FTO: variants seen among roughly 807,000 people sequenced by gnomAD.
FTO encodes FTO alpha-ketoglutarate dependent dioxygenase.
FTO carries 47 observed loss-of-function variants against 63.9 expected under a neutral mutation model. That is an observed-to-expected ratio of 0.74 (90% CI 0.58 to 0.94). The LOEUF is 0.94. Among genes scored for constraint, FTO ranks in the 40% least tolerant of loss-of-function variants. The pLI is 0.00. For synonymous variants in FTO, 207 were observed against 224.4 expected (o/e 0.92, Z 0.69); for missense variants, 562 against 618.1 (o/e 0.91, Z 0.96).
At chr16:53,819,195 TTATC>T (rs112144660) in intron 2 of FTO, among the ~76,000 whole-genome samples, 10,313 of 152,218 alleles carry the variant, frequency 0.068, 537 homozygotes, top group African/African-American at 0.13. Context: ...ATTTATTTAT[TTATC>T]TATCTTTGAA....
intron 8 of FTO, among the ~76,000 whole-genome samples, chr16:54,076,450 A>G (rs1215551507): frequency 1.3e-5 from 2 of 152,214 alleles, no homozygotes; most frequent in Non-Finnish European, 2.9e-5. Flanking sequence ...GCAAGTATAC[A>G]GGGAAAAGAA....
chr16:53,886,780 G>A (rs1199418056), intron 6 of FTO: 1 of 152,272 alleles, frequency 6.6e-6, no homozygotes, highest in East Asian at 1.9e-4. Context: ...TTCACAAGTT[G>A]CTTTTGTTTG....
At chr16:53,805,443 GTTT>G (rs10552956) in intron 1 of FTO, among the ~76,000 whole-genome samples, 133 of 109,618 alleles carry the variant, frequency 1.2e-3, no homozygotes, top group Admixed American at 4.1e-3. Flanking sequence ...TTGAGTTGTG[GTTT>G]TTTTTTTTTT....
At chr16:53,723,924 C>T (rs141144743) in intron 1 of FTO, among the ~76,000 whole-genome samples, 1 of 152,280 alleles carries the variant, frequency 6.6e-6, no homozygotes, top group African/African-American at 2.4e-5. Context: ...CACTAATTTG[C>T]CTGCTTTTGG....
intron 8 of FTO, among the ~76,000 whole-genome samples, chr16:54,067,179 A>C (rs1289651862): frequency 6.6e-6 from 1 of 152,078 alleles, no homozygotes; most frequent in East Asian, 1.9e-4. Context: ...ACTTAAAAAA[A>C]AAAACTTTGC....
At chr16:53,827,898 A>G (rs2079051293) in intron 3 of FTO, among the ~76,000 whole-genome samples, 1 of 152,176 alleles carries the variant, frequency 6.6e-6, no homozygotes, top group Non-Finnish European at 1.5e-5. Context: ...TAAGGAGACA[A>G]CTCTCCAAAC....
intron 7 of FTO, among the ~76,000 whole-genome samples, chr16:53,928,228 A>G (rs2082195129): frequency 6.6e-6 from 1 of 152,146 alleles, no homozygotes; most frequent in Non-Finnish European, 1.5e-5. Context: ...ATAAAATGAA[A>G]TTTAGCCACC....
At chr16:54,031,424 A>C (rs939877593) in intron 8 of FTO, among the ~76,000 whole-genome samples, 2 of 152,258 alleles carry the variant, frequency 1.3e-5, no homozygotes, top group East Asian at 3.9e-4. Flanking sequence ...AGGGTTATTA[A>C]GGAAATTTGG....
rs199570595 is a variant in FTO at position 54,079,107 on chromosome 16, TACTG to T, written c.1365-32651_1365-32648del. 8.0e-3 allele frequency among the ~76,000 whole-genome samples: 1,213 copies of T among 152,332 alleles called. 24 individuals are homozygous for T. Among genetic ancestry groups the T allele is most frequent in the African/African-American group, 0.028 (1,155 of 41,580 alleles). ...AATAATAAATTTTAGAAAACATTATTACTGACTATTATGTGACAGTTATTGGGAA... is the reference window on the plus strand; with the variant it reads ...AATAATAAATTTTAGAAAACATTATTACTATTATGTGACAGTTATTGGGAA... On this transcript the variant is annotated intron_variant, in intron 8 of 8. Transcript: ENST00000471389.
chr16:53,880,015 G>A, intron 6 of FTO, 28 bp downstream of exon 6: 2 of 1,544,788 alleles, frequency 1.3e-6, no homozygotes, highest in Non-Finnish European at 1.8e-6. Flanking sequence ...TTTTTTTTGA[G>A]ATGGAGTCTC....
intron 8 of FTO, among the ~76,000 whole-genome samples, chr16:53,938,154 G>T (rs1365502955): frequency 6.6e-6 from 1 of 152,180 alleles, no homozygotes; most frequent in Admixed American, 6.5e-5. Flanking sequence ...ACTGATTATT[G>T]TGCACTCTTT....
intron 7 of FTO, among the ~76,000 whole-genome samples, chr16:53,898,190 G>C (rs1018104908): frequency 6.6e-6 from 1 of 151,976 alleles, no homozygotes; most frequent in Non-Finnish European, 1.5e-5. Flanking sequence ...TCCATTCCTC[G>C]ACCTCCATCA....
At chr16:53,902,960 CTT>C (rs1162638738) in intron 7 of FTO, among the ~76,000 whole-genome samples, 9 of 152,056 alleles carry the variant, frequency 5.9e-5, no homozygotes. Flanking sequence ...ATGCAAAAGA[CTT>C]AGCCAGGCGT....
Position 54,121,047 on chromosome 16 carries a change from T to G in FTO, c.*9132T>G, listed in dbSNP as rs1272506286. The stretch of plus-strand genomic sequence containing the variant: ...CCACAGCCAAATCTGGCCCATCCCC[T>G]GTTCTTATAAAGTTTTATTGGAACG... On this transcript the variant is annotated 3_prime_UTR_variant, in exon 9 of 9. Coordinates refer to ENST00000471389, the MANE Select transcript of FTO (RefSeq NM_001080432.3). The G allele has an allele frequency of 1.3e-5, 2 of 152,570 alleles. No individual in the cohort carries two copies. Among genetic ancestry groups the G allele is most frequent in the East Asian group, 1.9e-4 (1 of 5,192 alleles). The allele number at this position is 152,570 out of a possible 1,614,324, so 9.5% of individuals were successfully genotyped here.
chr16:53,747,576 A>C (rs2076678210), intron 1 of FTO, among the ~76,000 whole-genome samples: 2 of 152,152 alleles, frequency 1.3e-5, no homozygotes, highest in African/African-American at 2.4e-5. Flanking sequence ...GATATTAATC[A>C]GATGTATAGC....
At chr16:53,921,737 A>G (rs974603141) in intron 7 of FTO, among the ~76,000 whole-genome samples, 1 of 152,144 alleles carries the variant, frequency 6.6e-6, no homozygotes, top group African/African-American at 2.4e-5. Flanking sequence ...TAGTATTGCT[A>G]TGTGCCATGG....
intron 8 of FTO, among the ~76,000 whole-genome samples, chr16:54,025,592 G>A (rs1294593712): frequency 7.2e-5 from 11 of 152,106 alleles, no homozygotes; most frequent in African/African-American, 9.6e-5. Context: ...GCTTGGTGAC[G>A]CGTGCTTGTA....
intron 1 of FTO, among the ~76,000 whole-genome samples, chr16:53,705,084 A>G (rs535599165): frequency 2.0e-5 from 3 of 151,426 alleles, no homozygotes; most frequent in Non-Finnish European, 4.4e-5. Context: ...GACTGTTGGA[A>G]TAGCCTATTG....
At chr16:53,810,787 C>T (rs767347155) in intron 2 of FTO, among the ~76,000 whole-genome samples, 1 of 152,178 alleles carries the variant, frequency 6.6e-6, no homozygotes, top group African/African-American at 2.4e-5. Flanking sequence ...TCTAGGAGTA[C>T]ATGGCTAAAT....
Sources: allele counts gnomAD v4.1 joint callset (sites outside exome capture counted in the v4.1 genomes callset), GRCh38; gene constraint gnomAD v4.1.1; transcripts MANE v1.5; gene names NCBI Gene and HGNC (gene_info 2026-07-23, HGNC 2026-07-21).